RFX2: variants seen among roughly 807,000 people sequenced by gnomAD.
RFX2 encodes the protein regulatory factor X2, also known as DNA-binding protein RFX2.
RFX2 carries 20 observed loss-of-function variants against 87.8 expected under a neutral mutation model. The ratio of observed to expected loss-of-function variants is 0.23; its 90% CI spans 0.16 to 0.33. The LOEUF (loss-of-function observed/expected upper bound fraction) is 0.33, where lower values mean the gene tolerates loss of function less well. RFX2 is among the 10% of genes least tolerant of loss of function. RFX2 has a pLI of 1.00. For synonymous variants in RFX2, 397 were observed against 431.3 expected, an observed-to-expected ratio of 0.92 and a Z score of 0.98; for missense variants, 767 against 1,012.3, an observed-to-expected ratio of 0.76 and a Z score of 3.29.
intron 1 of RFX2, among the ~76,000 whole-genome samples, chr19:6,055,020 T>C (rs1044525076): frequency 7.2e-5 from 11 of 152,164 alleles, no homozygotes; most frequent in African/African-American, 2.2e-4. Flanking sequence ...ACTCCTACAA[T>C]TCAATATAAG....
Position 5,997,520 on chromosome 19 carries a change from G to T in RFX2, c.1860-307C>A. 3.0e-6 allele frequency: 1 copy of T among 334,766 alleles called. No individual in the cohort carries two copies. The highest frequency in any genetic ancestry group is 5.5e-6 in the Non-Finnish European group (1 of 183,196). The allele number at this position is 334,766 out of a possible 1,614,324, so 20.7% of individuals were successfully genotyped here. A position where few individuals can be genotyped will look rare whatever the true frequency, so the allele number is the denominator to read the frequency against. On this transcript the variant is annotated intron_variant, in intron 15 of 17. Transcript: ENST00000303657. This position sits in a 1 kb window ranked among gnomAD's most constrained non-coding sequence, Gnocchi z 4.2. ...GGAAACAACTGTGGCTGGTGCTAGC[G>T]CAGGCGCTAGATGGGATCTTAGCTG...
Position 6,010,067 on chromosome 19 carries a change from T to C in RFX2, c.1015+69A>G. Reference sequence around the variant, plus strand: ...GACGCTTAGACACCACTGGTTCTGCTGGTGTTGAAACCCAGGAGTGTGGCG... The same window carrying C: ...GACGCTTAGACACCACTGGTTCTGCCGGTGTTGAAACCCAGGAGTGTGGCG... On this transcript the variant is annotated intron_variant, in intron 9 of 17. Transcript: ENST00000303657. The surrounding 1 kb of genome is among the most constrained non-coding windows in gnomAD (Gnocchi z 5.0). The C allele has an allele frequency of 1.1e-6, 1 of 918,780 alleles. No individual in the cohort carries two copies. Among genetic ancestry groups the C allele is most frequent in the South Asian group, 1.5e-5 (1 of 66,602 alleles). The allele number at this position is 918,780 out of a possible 1,614,324, so 56.9% of individuals were successfully genotyped here.
rs575171107 is a variant in RFX2, at chr19:6,101,223, G to C, written c.-9+9170C>G. ...AGAGAGCTCCTCACTGAAGTCCCTA[G>C]TAGGGTGAATTCTTCAAGAAAACGA... is the stretch of plus-strand genomic sequence containing the variant. On this transcript the variant is annotated intron_variant, in intron 1 of 17. Coordinates refer to ENST00000303657, the MANE Select transcript of RFX2 (RefSeq NM_000635.4). This position sits in a 1 kb window ranked among gnomAD's most constrained non-coding sequence, Gnocchi z 4.9. 2.0e-5 allele frequency among the ~76,000 whole-genome samples: 3 copies of C among 152,220 alleles called. No individual in the cohort carries two copies. Among genetic ancestry groups the C allele is most frequent in the Non-Finnish European group, 4.4e-5 (3 of 68,028 alleles).
rs2087092088 is a variant in RFX2, at chr19:6,040,455, A to G, written c.261-214T>C. ...TTAGGACCACAGGCTGACTTATCAA[A>G]AAGTGACCACTTAAAAATTCTAGGC... is the stretch of plus-strand genomic sequence containing the variant. On this transcript the variant is annotated intron_variant, in intron 4 of 17. Transcript: ENST00000303657. The surrounding 1 kb of genome is among the most constrained non-coding windows in gnomAD (Gnocchi z 6.1). 6.6e-6 allele frequency among the ~76,000 whole-genome samples: 1 copy of G among 152,210 alleles called. No individual in the cohort carries two copies. Among genetic ancestry groups the G allele is most frequent in the Non-Finnish European group, 1.5e-5 (1 of 68,044 alleles).
At chr19:6,008,905 C>T (rs2086625133) in intron 9 of RFX2, among the ~76,000 whole-genome samples, 1 of 151,966 alleles carries the variant, frequency 6.6e-6, no homozygotes, top group Non-Finnish European at 1.5e-5. Context: ...GTCTCAAACT[C>T]CCAACCTCAA....
Position 6,040,227 on chromosome 19 carries a change from G to A in RFX2, c.275C>T (p.Thr92Ile). 6.4e-7 allele frequency: 1 copy of A among 1,561,456 alleles called. No homozygotes were observed. Among genetic ancestry groups the A allele is most frequent in the Non-Finnish European group, 8.7e-7 (1 of 1,146,818 alleles). Residue 92 changes from threonine (T) to isoleucine (I), a missense_variant, in exon 5 of 18, where the codon ACC becomes ATC. Thr to Ile is a moderately conservative substitution (Grantham distance 89). Transcript: ENST00000303657. This position sits in a 1 kb window ranked among gnomAD's most constrained non-coding sequence, Gnocchi z 6.1. ...GTACATCTGAGGCTCGGGGTTGTAG[G>A]TGTAGGCTGTTCGTCTGTTAGAAAG... ...YTNGAIRTAY[T>I]YNPEPQMYAP...
chr19:6,058,425 G>T (rs2087377989), intron 1 of RFX2, among the ~76,000 whole-genome samples: 1 of 152,196 alleles, frequency 6.6e-6, no homozygotes, highest in East Asian at 1.9e-4. Context: ...AAGGAGAGTA[G>T]GCAGGATGCA....
intron 5 of RFX2, among the ~76,000 whole-genome samples, chr19:6,037,402 A>T (rs998310381): frequency 1.3e-5 from 2 of 152,210 alleles, no homozygotes; most frequent in African/African-American, 4.8e-5. Context: ...AAATTTAAAG[A>T]TCAATGCCAA....
chr19:6,013,160 G>A lies in RFX2; in HGVS notation c.780-55C>T. 2.0e-6 allele frequency: 3 copies of A among 1,483,994 alleles called. No homozygotes were observed. The highest frequency in any genetic ancestry group is 1.8e-6 in the Non-Finnish European group (2 of 1,112,918). The allele number at this position is 1,483,994 out of a possible 1,614,324, so 91.9% of individuals were successfully genotyped here. On this transcript the variant is annotated intron_variant, in intron 7 of 17. Coordinates refer to ENST00000303657, the MANE Select transcript of RFX2 (RefSeq NM_000635.4). This position sits in a 1 kb window ranked among gnomAD's most constrained non-coding sequence, Gnocchi z 4.1. ...CCTTTGCAGATGTCCTGAACAACAA[G>A]ACAGGTTGGGATTCTTTTTCTTTCT...
At chr19:6,099,878 T>A (rs1268145751) in intron 1 of RFX2, among the ~76,000 whole-genome samples, 4 of 152,200 alleles carry the variant, frequency 2.6e-5, no homozygotes, top group Non-Finnish European at 4.4e-5. Context: ...TCTGGCAATG[T>A]CTGGAAACAG....
In RFX2 at chr19:6,040,991, G is replaced by A. The variant is rs530637945; in HGVS notation, c.261-750C>T. 2.6e-5 allele frequency among the ~76,000 whole-genome samples: 4 copies of A among 152,294 alleles called. No homozygotes were observed. The highest frequency in any genetic ancestry group is 9.6e-5 in the African/African-American group (4 of 41,554). On this transcript the variant is annotated intron_variant, in intron 4 of 17. Transcript: ENST00000303657. The surrounding 1 kb of genome is among the most constrained non-coding windows in gnomAD (Gnocchi z 6.1). ...CATGCAAGCACACACGCAAAAGCACGTGCATACAGACTGGTAGAACTGAAT... is the reference window on the plus strand; with the variant it reads ...CATGCAAGCACACACGCAAAAGCACATGCATACAGACTGGTAGAACTGAAT...
At chr19:6,014,776 A>G (rs947270261) in intron 7 of RFX2, among the ~76,000 whole-genome samples, 4 of 152,178 alleles carry the variant, frequency 2.6e-5, no homozygotes, top group Non-Finnish European at 5.9e-5. Context: ...ACGCATCCAC[A>G]TTCCCTAAGG....
chr19:5,997,137 C>T lies in RFX2; in HGVS notation c.1936G>A (p.Asp646Asn), dbSNP rs1343090482. The T allele has an allele frequency of 1.2e-6, 2 of 1,613,754 alleles. No individual in the cohort carries two copies. Among genetic ancestry groups the T allele is most frequent in the South Asian group, 1.1e-5 (1 of 91,082 alleles). ...TCCACCAGGTAGAACATGTACTCGT[C>T]GTAGAGCAGGCGGATGAGGTGGAAG... ...GSFHLIRLLYDEYMFYLVEHR... is the reference protein window; with the variant it reads ...GSFHLIRLLYNEYMFYLVEHR... Residue 646 changes from aspartate to asparagine, a missense_variant, in exon 16 of 18, where the codon GAC becomes AAC. By Grantham distance (23) the Asp-to-Asn change is conservative. This residue lies in a region of RFX2 where 621 missense variants were observed against 873.0 expected (regional missense o/e 0.71). Coordinates refer to ENST00000303657, the MANE Select transcript of RFX2 (RefSeq NM_000635.4). The surrounding 1 kb of genome is among the most constrained non-coding windows in gnomAD (Gnocchi z 4.2).
Position 6,054,568 on chromosome 19 carries a change from C to T in RFX2, c.-8-7064G>A, listed in dbSNP as rs990019684. On this transcript the variant is annotated intron_variant, in intron 1 of 17. Transcript: ENST00000303657. ...AATTGATTTTTTTTTCTAATGGAGC[C>T]TCAGCTCTTTTCTTCCTCAACTGGA... Among the ~76,000 whole-genome samples, 196 of 152,070 alleles carry T rather than the reference C, an allele frequency of 1.3e-3. 1 individual carries two copies. The highest frequency in any genetic ancestry group is 6.5e-4 in the Non-Finnish European group (44 of 67,998).
At chr19:6,104,283 T>C (rs888735934) in intron 1 of RFX2, among the ~76,000 whole-genome samples, 2 of 152,044 alleles carry the variant, frequency 1.3e-5, no homozygotes, top group African/African-American at 2.4e-5. Flanking sequence ...AAAAAAAATT[T>C]TTTTGGCCGG....
chr19:6,062,690 C>T (rs2087453454), intron 1 of RFX2, among the ~76,000 whole-genome samples: 1 of 152,226 alleles, frequency 6.6e-6, no homozygotes, highest in Non-Finnish European at 1.5e-5. Context: ...TGAACTGATA[C>T]AGTCCCCGTG....
chr19:6,031,423 C>CTTTTTTTTTTT (rs58834364), intron 5 of RFX2, among the ~76,000 whole-genome samples: 24 of 90,218 alleles, frequency 2.7e-4, no homozygotes, highest in Non-Finnish European at 3.4e-4. Flanking sequence ...TTCTCCTTCC[C>CTTTTTTTTTTT]TTTTTTTTTT....
chr19:6,019,208 T>C (rs911295467), intron 6 of RFX2, among the ~76,000 whole-genome samples: 8 of 152,260 alleles, frequency 5.3e-5, no homozygotes, highest in African/African-American at 1.7e-4. Context: ...TAAGGGGCAG[T>C]TAAAACAAAG....
At position 6,011,144 on chromosome 19, in the gene RFX2, AAAAT is replaced by A. The variant is rs1199647636; in HGVS notation, c.900-897_900-894del. 2.0e-5 allele frequency among the ~76,000 whole-genome samples: 3 copies of A among 151,702 alleles called. No homozygotes were observed. Among genetic ancestry groups the A allele is most frequent in the African/African-American group, 7.3e-5 (3 of 41,174 alleles). On this transcript the variant is annotated intron_variant, in intron 8 of 17. Coordinates refer to ENST00000303657, the MANE Select transcript of RFX2 (RefSeq NM_000635.4). The surrounding 1 kb of genome is among the most constrained non-coding windows in gnomAD (Gnocchi z 4.8). ...AAAAAATAAATAAATTAATTAAAATAAAATAAAATAAAATAAAATAAAAGGGAGA... is the reference window on the plus strand; with the variant it reads ...AAAAAATAAATAAATTAATTAAAATAAAAATAAAATAAAATAAAAGGGAGA...
Sources: gnomAD v4.1 joint callset for allele counts (sites outside exome capture counted in the v4.1 genomes callset) on GRCh38, gnomAD v4.1.1 for gene constraint, gnomAD v4.1.1 regional missense constraint, Gnocchi (gnomAD v3.1) non-coding constraint, MANE v1.5 for transcripts, NCBI Gene and HGNC (gene_info 2026-07-23, HGNC 2026-07-21) for gene names.